The following ZSCAN5A variants were observed in gnomAD, a reference collection of about 807,000 sequenced individuals.
ZSCAN5A encodes the protein zinc finger and SCAN domain-containing protein 5A.
A neutral mutation model predicts 23.7 loss-of-function variants in ZSCAN5A; 12 were observed. That is an observed-to-expected ratio of 0.51 (90% CI 0.32 to 0.82). ZSCAN5A has a LOEUF of 0.82. Among genes scored for constraint, ZSCAN5A ranks in the 40% least tolerant of loss-of-function variants. ZSCAN5A has a pLI of 0.03. For missense variants in ZSCAN5A, 597 were observed against 617.9 expected, an observed-to-expected ratio of 0.97 and a Z score of 0.36; for synonymous variants, 257 against 239.9, an observed-to-expected ratio of 1.07 and a Z score of -0.66.
chr19:56,321,368 C>G (rs949139536), intron 2 of ZSCAN5A: 5 of 641,244 alleles, frequency 7.8e-6, no homozygotes, highest in Admixed American at 7.1e-5. Context: ...ATGTGGACAC[C>G]AGCAGTTGGC....
chr19:56,287,923 A>G (rs1407642227), intron 2 of ZSCAN5A, among the ~76,000 whole-genome samples: 3 of 152,234 alleles, frequency 2.0e-5, no homozygotes, highest in African/African-American at 7.2e-5. Context: ...GTCCCAGGAC[A>G]CTTCCAGTGT....
rs1399688711 is a variant in ZSCAN5A, at chr19:56,223,667, C to A, written c.552G>T (p.Gln184His). Reference sequence around the variant, plus strand: ...ACAATGCAGGGACCCTGGGCAGGATCTGCAGCTCTCGGTGGGCCTGGCCTT... The same window carrying A: ...ACAATGCAGGGACCCTGGGCAGGATATGCAGCTCTCGGTGGGCCTGGCCTT... ...PGEGQAHREL[Q>H]ILPRVPALSR... The change falls in exon 4 of 6, where the codon CAG (glutamine) becomes CAT (histidine). Residue 184 changes from glutamine (Q) to histidine (H), a missense_variant. By Grantham distance (24) the Gln-to-His change is conservative. Around this residue, in one of 5 missense-constraint regions of ZSCAN5A, gnomAD observed 406 missense variants for 353.2 expected, o/e 1.15. Transcript: ENST00000683990. 6.2e-7 allele frequency: 1 copy of A among 1,613,982 alleles called. No homozygotes were observed. Among genetic ancestry groups the A allele is most frequent in the Non-Finnish European group, 8.5e-7 (1 of 1,180,008 alleles).
At chr19:56,226,890 CACAGGT>C (rs2034001031) in intron 2 of ZSCAN5A, among the ~76,000 whole-genome samples, 1 of 151,954 alleles carries the variant, frequency 6.6e-6, no homozygotes, top group South Asian at 2.1e-4. Context: ...AACAAATCTG[CACAGGT>C]ACCCACTGAA....
At chr19:56,235,320 T>C (rs66466261) in intron 2 of ZSCAN5A, among the ~76,000 whole-genome samples, 5 of 14,254 alleles carry the variant, frequency 3.5e-4, no homozygotes, top group Non-Finnish European at 4.1e-4. Context: ...GTGGGCCAAG[T>C]CTCCACTCCA....
intron 2 of ZSCAN5A, chr19:56,311,985 G>C (rs2041067264): frequency 6.6e-6 from 1 of 152,102 alleles, no homozygotes; most frequent in South Asian, 2.1e-4. Context: ...AAATCTGTGA[G>C]CCACACTTAT....
intron 2 of ZSCAN5A, chr19:56,247,569 G>A (rs35779585): frequency 0.61 from 94,582 of 155,622 alleles, 29,622 homozygotes; most frequent in Non-Finnish European, 0.7. Context: ...CAGAGGGAGT[G>A]CCCTAGATAG....
chr19:56,283,343 A>C (rs2038856090), intron 2 of ZSCAN5A: 1 of 152,156 alleles, frequency 6.6e-6, no homozygotes, highest in Admixed American at 6.5e-5. Context: ...CTAAGTACTC[A>C]ATCTGCATTA....
chr19:56,222,869 TC>T, intron 4 of ZSCAN5A, 128 bp from the exon 5 acceptor site: 1 of 1,272,030 alleles, frequency 7.9e-7, no homozygotes, highest in Non-Finnish European at 1.1e-6. Context: ...CGTGCAGACT[TC>T]CCCTGGACCA....
rs746211159 is a variant in ZSCAN5A at position 56,222,709 on chromosome 19, G to T, written c.621C>A (p.Asp207Glu). ...TCAGAGACTTTGGGTCACCTGTTAC[G>T]TCAATACTCTTGTGTAGCAGAAAGT... Reference protein sequence around the residue: ...GEDFLLHKSIDVTGDPKSLRP... With the variant: ...GEDFLLHKSIEVTGDPKSLRP... The change falls in exon 5 of 6, where the codon GAC (aspartate) becomes GAA (glutamate). Residue 207 changes from aspartate to glutamate, a missense_variant. Coordinates refer to ENST00000683990, the MANE Select transcript of ZSCAN5A (RefSeq NM_001322064.3). 23 of 1,614,098 alleles carry T rather than the reference G, an allele frequency of 1.4e-5. No individual in the cohort carries two copies. The highest frequency in any genetic ancestry group is 1.9e-5 in the Non-Finnish European group (23 of 1,180,030).
In ZSCAN5A at chr19:56,351,103, G is replaced by A. The variant is rs2041665014; in HGVS notation, c.-358+12132C>T. 6.6e-6 allele frequency among the ~76,000 whole-genome samples: 1 copy of A among 152,030 alleles called. No homozygotes were observed. The highest frequency in any genetic ancestry group is 1.5e-5 in the Non-Finnish European group (1 of 68,006). On this transcript the variant is annotated intron_variant, in intron 2 of 6. Coordinates refer to the ZSCAN5A transcript ENST00000587340. The surrounding 1 kb of genome is among the most constrained non-coding windows in gnomAD (Gnocchi z 4.8). ...TCTCTTTGAGGGGGGGATATTACAG[G>A]AGTTATTAAGAAATCATTTTAGGCA... is the stretch of plus-strand genomic sequence containing the variant.
intron 2 of ZSCAN5A, chr19:56,246,741 G>T (rs771250765): frequency 4.3e-6 from 6 of 1,411,452 alleles, no homozygotes; most frequent in African/African-American, 2.8e-5. Context: ...CAGGTGTGGT[G>T]GGAGCAAAGG....
intron 2 of ZSCAN5A, chr19:56,282,623 C>T (rs551092695): frequency 8.4e-5 from 38 of 450,116 alleles, no homozygotes; most frequent in African/African-American, 7.9e-4. Context: ...CTTCTAATAG[C>T]GGAACTAGTA....
rs528155633 is a variant in ZSCAN5A, at chr19:56,246,545, T to C, written c.-127-21372A>G. 3 of 665,428 alleles carry C rather than the reference T, an allele frequency of 4.5e-6. No individual in the cohort carries two copies. The African/African-American group carries it at 5.4e-5, about 12-fold the overall frequency. 41.2% of individuals were successfully genotyped at this position (665,428 alleles called of 1,614,324 possible). A position where few individuals can be genotyped will look rare whatever the true frequency, so the allele number is the denominator to read the frequency against. ...GGGCTGGGGTCCCAGCATTATCATG[T>C]CTGGGGGAGTTGGCACTCAGCTGCC... On this transcript the variant is annotated intron_variant, in intron 2 of 5. Transcript: ENST00000683990.
Position 56,221,809 on chromosome 19 carries a change from C to T in ZSCAN5A, c.1257G>A (p.Lys419=), listed in dbSNP as rs769241349. 13 of 1,614,092 alleles carry T rather than the reference C, an allele frequency of 8.1e-6. No individual in the cohort carries two copies. The highest frequency in any genetic ancestry group is 1.1e-5 in the Non-Finnish European group (13 of 1,179,932). The change falls in exon 6 of 6, where the codon AAG becomes AAA. Residue 419 remains lysine (K), a synonymous_variant. Coordinates refer to ENST00000683990, the MANE Select transcript of ZSCAN5A (RefSeq NM_001322064.3). The stretch of plus-strand genomic sequence containing the variant: ...TCAAGTAGGACTTCTGGGTGAACTG[C>T]TTCTGGCAGACGTCACACGTGTAGG... The part of the protein sequence containing the change: ...ERPYTCDVCQ[K]QFTQKSYLKC...
intron 2 of ZSCAN5A, among the ~76,000 whole-genome samples, chr19:56,289,837 C>T (rs1016600358): frequency 2.0e-5 from 3 of 152,126 alleles, no homozygotes; most frequent in Non-Finnish European, 4.4e-5. Context: ...TGATCTTGAA[C>T]TCTTGGGCTC....
intron 2 of ZSCAN5A, among the ~76,000 whole-genome samples, chr19:56,287,196 A>G (rs1471054232): frequency 6.6e-6 from 1 of 152,194 alleles, no homozygotes; most frequent in Non-Finnish European, 1.5e-5. Context: ...TTTCCCATCA[A>G]CCTGGAAGTA....
intron 2 of ZSCAN5A, among the ~76,000 whole-genome samples, chr19:56,273,468 A>G (rs4801307): frequency 0.13 from 19,400 of 152,030 alleles, 1,624 homozygotes; most frequent in Middle Eastern, 0.2. Flanking sequence ...TAGTGATGAA[A>G]ATAGTTCTGT....
rs373150260 is a variant in ZSCAN5A, at chr19:56,358,792, A to G, written c.-358+4443T>C. On this transcript the variant is annotated intron_variant, in intron 2 of 6. Transcript: ENST00000587340. Reference sequence around the variant, plus strand: ...AATTCACTCAAAAACACGTAACTACATGGAAATTGAACAACCTGCTCCTGC... The same window carrying G: ...AATTCACTCAAAAACACGTAACTACGTGGAAATTGAACAACCTGCTCCTGC... 2.1e-4 allele frequency among the ~76,000 whole-genome samples: 32 copies of G among 152,374 alleles called. 1 individual carries two copies. The highest frequency in any genetic ancestry group is 7.0e-4 in the African/African-American group (29 of 41,594).
chr19:56,345,954 T>C (rs2041628956), intron 2 of ZSCAN5A, among the ~76,000 whole-genome samples: 1 of 152,120 alleles, frequency 6.6e-6, no homozygotes, highest in Non-Finnish European at 1.5e-5. Context: ...TTTACACTCT[T>C]GGGGTTTGAT....
Sources: allele counts gnomAD v4.1 joint callset (sites outside exome capture counted in the v4.1 genomes callset), GRCh38; gene constraint gnomAD v4.1.1; regional missense constraint gnomAD v4.1.1; non-coding constraint Gnocchi (gnomAD v3.1); transcripts MANE v1.5; gene names NCBI Gene and HGNC (gene_info 2026-07-23, HGNC 2026-07-21).